The following KHDRBS2 variants were observed in gnomAD, a reference collection of about 807,000 sequenced individuals.
KHDRBS2 encodes KH domain-containing, RNA-binding, signal transduction-associated protein 2.
In KHDRBS2, 26 loss-of-function variants were observed where a neutral mutation model predicts 44.3. The observed-to-expected ratio is 0.59, with a 90% CI of 0.43 to 0.81. The LOEUF (loss-of-function observed/expected upper bound fraction) is 0.81. Ranked by LOEUF, KHDRBS2 falls within the 40% of genes least tolerant of loss-of-function variation. KHDRBS2 has a pLI of 0.00. For synonymous variants in KHDRBS2, 194 were observed against 151.1 expected (o/e 1.28, Z -2.08); for missense variants, 476 against 433.1 (o/e 1.10, Z -0.88).
the KHDRBS2 span, among the ~76,000 whole-genome samples, chr6:61,605,855 ATAT>A: frequency 6.6e-6 from 1 of 152,206 alleles, no homozygotes; most frequent in Non-Finnish European, 1.5e-5. Flanking sequence ...CTAAGCCATC[ATAT>A]CCCCTGTGAC....
the KHDRBS2 span, among the ~76,000 whole-genome samples, chr6:61,661,524 A>G: frequency 1.3e-5 from 2 of 151,944 alleles, no homozygotes; most frequent in East Asian, 3.9e-4. Context: ...TATCCATCCA[A>G]CCTTTTGTAT....
intron 2 of KHDRBS2, among the ~76,000 whole-genome samples, chr6:62,146,613 C>G (rs1481167858): frequency 1.3e-5 from 2 of 151,734 alleles, no homozygotes; most frequent in Non-Finnish European, 2.9e-5. Context: ...ATCTTACTGC[C>G]AAGGTCTCTT....
chr6:62,105,979 C>T (rs1289866007), intron 2 of KHDRBS2, among the ~76,000 whole-genome samples: 1 of 152,136 alleles, frequency 6.6e-6, no homozygotes, highest in African/African-American at 2.4e-5. Context: ...TATGTTGTGT[C>T]TTTGTTCCCG....
chr6:62,143,732 G>A (rs1813347404), intron 2 of KHDRBS2, among the ~76,000 whole-genome samples: 1 of 151,778 alleles, frequency 6.6e-6, no homozygotes, highest in Non-Finnish European at 1.5e-5. Flanking sequence ...ACTTAGAACA[G>A]ATTGTAGTAT....
At chr6:62,157,820 A>G (rs1469372310) in intron 2 of KHDRBS2, among the ~76,000 whole-genome samples, 1 of 152,222 alleles carries the variant, frequency 6.6e-6, no homozygotes, top group African/African-American at 2.4e-5. Context: ...ATGGCTAAAA[A>G]TTCAGTTTGT....
intron 2 of KHDRBS2, among the ~76,000 whole-genome samples, chr6:62,145,778 T>C (rs1220194498): frequency 2.0e-5 from 3 of 151,880 alleles, no homozygotes; most frequent in Non-Finnish European, 2.9e-5. Context: ...CTGAAACTTT[T>C]TGAGTGCTGA....
At chr6:62,028,313 T>C (rs1302057451) in intron 3 of KHDRBS2, among the ~76,000 whole-genome samples, 12 of 152,132 alleles carry the variant, frequency 7.9e-5, no homozygotes, top group Admixed American at 2.6e-4. Context: ...TCATAAAATA[T>C]TGAGCTTAGC....
chr6:62,088,982 C>T (rs1406453995), intron 2 of KHDRBS2, among the ~76,000 whole-genome samples: 1 of 152,080 alleles, frequency 6.6e-6, no homozygotes, highest in South Asian at 2.1e-4. Context: ...CAGTGGGCTC[C>T]ACCCAGTGTG....
At position 62,099,377 on chromosome 6, in the gene KHDRBS2, C is replaced by T. The variant is rs137859976; in HGVS notation, c.220-51383G>A. ...AAATAGTGCCCAAAATCCAGGTTTG[C>T]CAAGAGTCTGCAGTTAGTATGTTGC... On this transcript the variant is annotated intron_variant, in intron 2 of 8. Transcript: ENST00000281156. Among the ~76,000 whole-genome samples the T allele has an allele frequency of 2.5e-3, 379 of 152,260 alleles. 3 individuals are homozygous for T. Among genetic ancestry groups the T allele is most frequent in the African/African-American group, 8.4e-3 (347 of 41,542 alleles).
At chr6:62,197,551 T>C (rs1354310814) in intron 1 of KHDRBS2, among the ~76,000 whole-genome samples, 2 of 152,110 alleles carry the variant, frequency 1.3e-5, no homozygotes, top group Non-Finnish European at 2.9e-5. Flanking sequence ...CACTCAGCAT[T>C]AAAAATGAGC....
chr6:62,051,021 G>A lies in KHDRBS2; in HGVS notation c.220-3027C>T, dbSNP rs889376883. Among the ~76,000 whole-genome samples, 7 of 152,120 alleles carry A rather than the reference G, an allele frequency of 4.6e-5. No individual in the cohort carries two copies. In the South Asian group the frequency reaches 8.3e-4, roughly 18 times the overall value. ...AGCCAGATATAAAAGAATACATTAT[G>A]TTAGGTTCCACTATTACAAAATTCT... is the stretch of plus-strand genomic sequence containing the variant. On this transcript the variant is annotated intron_variant, in intron 2 of 8. Coordinates refer to ENST00000281156, the MANE Select transcript of KHDRBS2 (RefSeq NM_152688.4).
At chr6:62,203,087 A>C (rs1040250444) in intron 1 of KHDRBS2, among the ~76,000 whole-genome samples, 1 of 152,152 alleles carries the variant, frequency 6.6e-6, no homozygotes, top group African/African-American at 2.4e-5. Flanking sequence ...GGACCAGTGA[A>C]GTGAATCTGC....
At chr6:61,797,977 C>T (rs2127588252) in intron 6 of KHDRBS2, among the ~76,000 whole-genome samples, 1 of 151,934 alleles carries the variant, frequency 6.6e-6, no homozygotes, top group East Asian at 1.9e-4. Flanking sequence ...AGGTAATGAG[C>T]ATAGTACCCA....
intron 6 of KHDRBS2, among the ~76,000 whole-genome samples, chr6:61,892,289 G>A (rs992305469): frequency 1.3e-5 from 2 of 152,154 alleles, no homozygotes; most frequent in African/African-American, 4.8e-5. Flanking sequence ...ATGCTCATGG[G>A]TAGGAAGACT....
intron 4 of KHDRBS2, among the ~76,000 whole-genome samples, chr6:61,960,413 G>GA (rs1267567971): frequency 6.6e-6 from 1 of 152,104 alleles, no homozygotes; most frequent in East Asian, 1.9e-4. Context: ...AGCAACATAG[G>GA]AAAAAATTGC....
intron 2 of KHDRBS2, among the ~76,000 whole-genome samples, chr6:62,152,571 C>G (rs1423734745): frequency 1.3e-5 from 2 of 152,206 alleles, no homozygotes; most frequent in Non-Finnish European, 2.9e-5. Flanking sequence ...GTGATATACA[C>G]TACTCATCTA....
chr6:62,099,719 AC>A (rs1486838999), intron 2 of KHDRBS2, among the ~76,000 whole-genome samples: 1 of 152,110 alleles, frequency 6.6e-6, no homozygotes, highest in Non-Finnish European at 1.5e-5. Flanking sequence ...AGTCACAGAG[AC>A]CAGCCCAGCA....
In KHDRBS2 at chr6:61,901,376, A is replaced by G; in HGVS notation, c.484-5T>C. On this transcript the variant is annotated splice_region_variant and splice_polypyrimidine_tract_variant and intron_variant, in intron 4 of 8. Transcript: ENST00000281156. ...ACGAATTTCATCATTGTAGTCCTGG[A>G]GAAAAAACATGATGTGATGAGTTAA... 1 of 1,610,226 alleles carries G rather than the reference A, an allele frequency of 6.2e-7. No homozygotes were observed.
chr6:61,598,830 T>C, the KHDRBS2 span, among the ~76,000 whole-genome samples: 13 of 67,234 alleles, frequency 1.9e-4, no homozygotes, highest in Non-Finnish European at 3.1e-4. Context: ...GTGTCCTTTT[T>C]TCTTTTCTTT....
Sources: allele counts gnomAD v4.1 joint callset (sites outside exome capture counted in the v4.1 genomes callset), GRCh38; gene constraint gnomAD v4.1.1; transcripts MANE v1.5; gene names NCBI Gene and HGNC (gene_info 2026-07-23, HGNC 2026-07-21).